The following GRK5 variants were observed in gnomAD, a reference collection of about 807,000 sequenced individuals.
GRK5 encodes G protein-coupled receptor kinase 5, also known as g protein-coupled receptor kinase GRK5.
In GRK5, 40 loss-of-function variants were observed where a neutral mutation model predicts 78.4. The observed-to-expected ratio is 0.51, with a 90% CI of 0.40 to 0.66. The LOEUF is 0.66. GRK5 is among the 30% of genes least tolerant of loss of function. The pLI, the probability that GRK5 is intolerant of heterozygous loss-of-function variation, is 0.00. For synonymous variants in GRK5, 289 were observed against 296.8 expected (o/e 0.97, Z 0.27); for missense variants, 598 against 759.9 (o/e 0.79, Z 2.50).
At chr10:119,310,253 G>A (rs1850336762) in intron 1 of GRK5, among the ~76,000 whole-genome samples, 1 of 152,220 alleles carries the variant, frequency 6.6e-6, no homozygotes, top group Non-Finnish European at 1.5e-5. Flanking sequence ...TTTTTCCTGA[G>A]CAAGTAGTCC....
chr10:119,265,806 G>A (rs1430540276), intron 1 of GRK5, among the ~76,000 whole-genome samples: 1 of 152,222 alleles, frequency 6.6e-6, no homozygotes, highest in Non-Finnish European at 1.5e-5. Context: ...GGCCCTGCAG[G>A]TTCTTGTCCA....
chr10:119,311,914 A>T (rs371811068), intron 1 of GRK5, among the ~76,000 whole-genome samples: 6 of 137,818 alleles, frequency 4.4e-5, no homozygotes, highest in African/African-American at 8.2e-5. Flanking sequence ...TGAATTGTTC[A>T]TTTTTTTTTT....
At chr10:119,251,631 G>A (rs1273403533) in intron 1 of GRK5, among the ~76,000 whole-genome samples, 2 of 152,218 alleles carry the variant, frequency 1.3e-5, no homozygotes, top group Non-Finnish European at 2.9e-5. Context: ...GATGAAAGAT[G>A]TCTGGGGGAA....
rs1285708357 is a variant in GRK5, at chr10:119,295,833, TAGTA to T, written c.53-30680_53-30677del. Reference sequence around the variant, plus strand: ...GGGTGGGGGGTGGTGGGGCATAAAATAGTAAGGTGCAGCGTATACTGCTTGGGTG... The same window carrying T: ...GGGTGGGGGGTGGTGGGGCATAAAATAGGTGCAGCGTATACTGCTTGGGTG... On this transcript the variant is annotated intron_variant, in intron 1 of 15. Transcript: ENST00000392870. Among the ~76,000 whole-genome samples the T allele has an allele frequency of 2.0e-5, 3 of 152,012 alleles. No individual in the cohort carries two copies. In the East Asian group the frequency reaches 5.8e-4, roughly 29 times the overall value.
At chr10:119,219,537 G>A (rs1187472444) in intron 1 of GRK5, among the ~76,000 whole-genome samples, 4 of 152,232 alleles carry the variant, frequency 2.6e-5, no homozygotes, top group African/African-American at 9.6e-5. Flanking sequence ...ATGTGATGGT[G>A]AAGAAGAGAG....
At chr10:119,394,312 A>AT (rs1564916997) in intron 3 of GRK5, among the ~76,000 whole-genome samples, 182 of 2,492 alleles carry the variant, frequency 0.073, no homozygotes, top group African/African-American at 0.077. Context: ...CTGTGTGGGC[A>AT]CGTGGGTGTG....
chr10:119,425,847 G>A (rs544562311), intron 6 of GRK5, among the ~76,000 whole-genome samples: 1 of 152,372 alleles, frequency 6.6e-6, no homozygotes, highest in East Asian at 1.9e-4. Context: ...GTCCCTCTGT[G>A]ACAGATGAGG....
chr10:119,246,643 G>A (rs1048742878), intron 1 of GRK5, among the ~76,000 whole-genome samples: 2 of 152,208 alleles, frequency 1.3e-5, no homozygotes, highest in Non-Finnish European at 2.9e-5. Flanking sequence ...TTCAAGAAGT[G>A]GTGTCTGGAG....
intron 4 of GRK5, among the ~76,000 whole-genome samples, chr10:119,405,359 T>C (rs1226769844): frequency 6.6e-6 from 1 of 152,156 alleles, no homozygotes; most frequent in Admixed American, 6.5e-5. Flanking sequence ...CAGGGCTGCC[T>C]CTTTGTTTCA....
At chr10:119,331,341 C>T (rs1042579547) in intron 2 of GRK5, among the ~76,000 whole-genome samples, 3 of 152,218 alleles carry the variant, frequency 2.0e-5, no homozygotes, top group Non-Finnish European at 4.4e-5. Context: ...TGACGTGAGC[C>T]GTGGGGCTGC....
In GRK5 at chr10:119,207,600, G is replaced by A. The variant is rs949436788; in HGVS notation, c.-318G>A. 2 of 304,652 alleles carry A rather than the reference G, an allele frequency of 6.6e-6. No individual in the cohort carries two copies. The highest frequency in any genetic ancestry group is 2.4e-5 in the African/African-American group (1 of 42,250). The allele number at this position is 304,652 out of a possible 1,614,324, so 18.9% of individuals were successfully genotyped here. A position where few individuals can be genotyped will look rare whatever the true frequency, so the allele number is the denominator to read the frequency against. ...GCATCCGAGGCATTAAAGCATCCGA[G>A]GGAGCCGGAGGGGAGGAGAATGGAG... is the stretch of plus-strand genomic sequence containing the variant. On this transcript the variant is annotated 5_prime_UTR_variant, in exon 1 of 16. Coordinates refer to ENST00000392870, the MANE Select transcript of GRK5 (RefSeq NM_005308.3).
intron 13 of GRK5, among the ~76,000 whole-genome samples, chr10:119,451,209 TGTGA>T (rs1231150789): frequency 2.0e-5 from 3 of 150,450 alleles, no homozygotes; most frequent in Non-Finnish European, 4.4e-5. Flanking sequence ...CCACGAGCAC[TGTGA>T]GTGACATCAT....
intron 1 of GRK5, among the ~76,000 whole-genome samples, chr10:119,308,864 AT>A (rs66768065): frequency 0.69 from 105,144 of 151,734 alleles, 38,615 homozygotes; most frequent in East Asian, 0.84. Context: ...CCCTGTATGG[AT>A]TTGGGGGAAT....
At chr10:119,222,006 A>G (rs769633788) in intron 1 of GRK5, among the ~76,000 whole-genome samples, 1 of 152,178 alleles carries the variant, frequency 6.6e-6, no homozygotes, top group Non-Finnish European at 1.5e-5. Context: ...CAGGGGGTAC[A>G]CTCAGAAAAC....
intron 1 of GRK5, among the ~76,000 whole-genome samples, chr10:119,313,061 GGT>G (rs1491313877): frequency 1.7e-4 from 25 of 145,106 alleles, no homozygotes; most frequent in African/African-American, 6.3e-4. Context: ...TAATGATGAT[GGT>G]GGTGGTGATG....
chr10:119,222,967 C>CT (rs1848680435), intron 1 of GRK5, among the ~76,000 whole-genome samples: 1 of 152,232 alleles, frequency 6.6e-6, no homozygotes, highest in Admixed American at 6.5e-5. Flanking sequence ...CTCTGCAACT[C>CT]TAACACCCAT....
chr10:119,208,822 A>G (rs1341863577), intron 1 of GRK5, among the ~76,000 whole-genome samples: 1 of 152,202 alleles, frequency 6.6e-6, no homozygotes, highest in Non-Finnish European at 1.5e-5. Context: ...GGGGGGAGGC[A>G]GAAACTTGGG....
chr10:119,354,395 C>CTTTTT (rs60146483), intron 2 of GRK5, among the ~76,000 whole-genome samples: 18 of 87,810 alleles, frequency 2.0e-4, no homozygotes, highest in East Asian at 6.6e-4. Context: ...CCTACATCTC[C>CTTTTT]TTTTTTTTTT....
rs1564864876 is a variant in GRK5 at position 119,253,850 on chromosome 10, GTGT to G, written c.52+45882_52+45884del. Among the ~76,000 whole-genome samples the G allele has an allele frequency of 2.2e-3, 11 of 5,038 alleles. No individual in the cohort carries two copies. Among genetic ancestry groups the G allele is most frequent in the East Asian group, 0.021 (1 of 48 alleles). The allele number at this position is 5,038 out of a possible 152,430, so 3.3% of individuals were successfully genotyped here. On this transcript the variant is annotated intron_variant, in intron 1 of 15. Coordinates refer to ENST00000392870, the MANE Select transcript of GRK5 (RefSeq NM_005308.3). This position sits in a 1 kb window ranked among gnomAD's most constrained non-coding sequence, Gnocchi z 5.7. ...CCTGGTGGTTCTTTGCCCCAGGGGT[GTGT>G]GTGTGTGTGTGTGTGTGTGTACACA...
Sources: gnomAD v4.1 joint callset for allele counts (sites outside exome capture counted in the v4.1 genomes callset) on GRCh38, gnomAD v4.1.1 for gene constraint, Gnocchi (gnomAD v3.1) non-coding constraint, MANE v1.5 for transcripts, NCBI Gene and HGNC (gene_info 2026-07-23, HGNC 2026-07-21) for gene names.